AUTS2: variants seen among roughly 807,000 people sequenced by gnomAD.
AUTS2 encodes activator of transcription and developmental regulator AUTS2.
A neutral mutation model predicts 112.4 loss-of-function variants in AUTS2; 17 were observed. That is an observed-to-expected ratio of 0.15 (90% CI 0.10 to 0.23). The LOEUF (loss-of-function observed/expected upper bound fraction) is 0.23, where lower values mean the gene tolerates loss of function less well. Ranked by LOEUF, AUTS2 falls within the 10% of genes least tolerant of loss-of-function variation. The pLI is 1.00. For synonymous variants in AUTS2, 751 were observed against 702.7 expected, an observed-to-expected ratio of 1.07 and a Z score of -1.09; for missense variants, 1,510 against 1,701.6, an observed-to-expected ratio of 0.89 and a Z score of 1.98.
intron 5 of AUTS2, among the ~76,000 whole-genome samples, chr7:70,456,371 C>T (rs766525551): frequency 1.3e-4 from 20 of 152,332 alleles, no homozygotes; most frequent in Middle Eastern, 6.8e-3. Flanking sequence ...TGATACTCAC[C>T]GTAATAACAT....
At chr7:70,666,665 T>C (rs988020061) in intron 5 of AUTS2, among the ~76,000 whole-genome samples, 2 of 152,126 alleles carry the variant, frequency 1.3e-5, no homozygotes, top group South Asian at 2.1e-4. Flanking sequence ...TTTTTTTATA[T>C]ATGTCTGGGT....
intron 2 of AUTS2, among the ~76,000 whole-genome samples, chr7:70,067,846 C>T (rs900617909): frequency 1.3e-5 from 2 of 149,946 alleles, no homozygotes; most frequent in Admixed American, 6.6e-5. Context: ...AGAGTGAGCA[C>T]CTGTCTAAAA....
chr7:70,702,485 C>T (rs1467383000), intron 6 of AUTS2, among the ~76,000 whole-genome samples: 1 of 152,244 alleles, frequency 6.6e-6, no homozygotes, highest in African/African-American at 2.4e-5. Flanking sequence ...CACCCCTTCT[C>T]TTTCCTTCAA....
intron 4 of AUTS2, among the ~76,000 whole-genome samples, chr7:70,184,222 T>C (rs1163833699): frequency 2.6e-5 from 4 of 152,156 alleles, no homozygotes; most frequent in African/African-American, 9.7e-5. Context: ...GTGCCTGACC[T>C]CAAAAAGAAA....
intron 5 of AUTS2, among the ~76,000 whole-genome samples, chr7:70,580,422 C>T (rs1802380205): frequency 6.6e-6 from 1 of 152,070 alleles, no homozygotes; most frequent in South Asian, 2.1e-4. Context: ...GAAGGCAGGT[C>T]AAAAGGGTGG....
chr7:70,022,585 T>C (rs1029823132), intron 2 of AUTS2, among the ~76,000 whole-genome samples: 65 of 152,066 alleles, frequency 4.3e-4, no homozygotes, highest in Non-Finnish European at 1.0e-4. Flanking sequence ...CCTTCCAGAG[T>C]GCAGGGATTA....
intron 2 of AUTS2, among the ~76,000 whole-genome samples, chr7:70,096,198 A>G (rs1299952020): frequency 1.3e-5 from 2 of 152,204 alleles, no homozygotes; most frequent in Non-Finnish European, 2.9e-5. Flanking sequence ...CATTAAAGGG[A>G]TGGATATTTC....
chr7:69,712,043 C>T (rs993178996), intron 1 of AUTS2, among the ~76,000 whole-genome samples: 1 of 152,162 alleles, frequency 6.6e-6, no homozygotes, highest in Non-Finnish European at 1.5e-5. Context: ...CATATTTAGG[C>T]ATCAATTCAG....
chr7:70,340,132 G>A (rs1791189574), intron 4 of AUTS2, among the ~76,000 whole-genome samples: 1 of 150,020 alleles, frequency 6.7e-6, no homozygotes, highest in African/African-American at 2.5e-5. Context: ...TCTCTCCTAT[G>A]ACTTGCCATC....
At chr7:70,084,077 C>CA (rs762392282) in intron 2 of AUTS2, among the ~76,000 whole-genome samples, 233 of 151,496 alleles carry the variant, frequency 1.5e-3, no homozygotes, top group African/African-American at 4.3e-3. Context: ...AACAAACAAA[C>CA]AAAAAAAACA....
At chr7:69,922,231 A>G (rs1795845014) in intron 2 of AUTS2, among the ~76,000 whole-genome samples, 1 of 152,218 alleles carries the variant, frequency 6.6e-6, no homozygotes, top group South Asian at 2.1e-4. Context: ...TAAGCCAGGT[A>G]TGTGGTTACA....
intron 1 of AUTS2, among the ~76,000 whole-genome samples, chr7:69,755,744 AGAATGAATCTAGAGCTT>A (rs1402916616): frequency 6.6e-6 from 1 of 152,166 alleles, no homozygotes; most frequent in East Asian, 1.9e-4. Context: ...ATAGGTCCTG[AGAATGAATCTAGAGCTT>A]TGCCTTTGAC....
intron 4 of AUTS2, among the ~76,000 whole-genome samples, chr7:70,331,426 ATTC>A (rs755458144): frequency 3.6e-4 from 55 of 151,600 alleles, no homozygotes; most frequent in Admixed American, 8.5e-4. Flanking sequence ...TGTCCATTTA[ATTC>A]TTCTCTCTTT....
chr7:69,976,325 C>G (rs1265693864), intron 2 of AUTS2, among the ~76,000 whole-genome samples: 1 of 152,212 alleles, frequency 6.6e-6, no homozygotes, highest in Non-Finnish European at 1.5e-5. Context: ...TAGCATGTGA[C>G]AAGATTCCTT....
chr7:70,073,360 A>G (rs1802877732), intron 2 of AUTS2, among the ~76,000 whole-genome samples: 1 of 151,474 alleles, frequency 6.6e-6, no homozygotes, highest in Non-Finnish European at 1.5e-5. Context: ...AAAATACAGG[A>G]ATTAGCTGGG....
At chr7:70,568,264 T>G (rs896755225) in intron 5 of AUTS2, among the ~76,000 whole-genome samples, 1 of 152,200 alleles carries the variant, frequency 6.6e-6, no homozygotes, top group Admixed American at 6.5e-5. Context: ...TGCCTGAATT[T>G]GAATCCTGAC....
intron 2 of AUTS2, among the ~76,000 whole-genome samples, chr7:70,057,683 G>A (rs1802055681): frequency 1.3e-5 from 2 of 152,166 alleles, no homozygotes; most frequent in Admixed American, 1.3e-4. Context: ...AAGCTCTCCA[G>A]GGTCCCTAGA....
At chr7:70,159,581 C>T (rs945022408) in intron 4 of AUTS2, among the ~76,000 whole-genome samples, 2 of 152,160 alleles carry the variant, frequency 1.3e-5, no homozygotes, top group African/African-American at 4.8e-5. Flanking sequence ...GTTACAAATA[C>T]TGAGCAGCTT....
chr7:70,711,481 G>A (rs1050440166), intron 6 of AUTS2, among the ~76,000 whole-genome samples: 2 of 152,100 alleles, frequency 1.3e-5, no homozygotes, highest in Admixed American at 6.5e-5. Flanking sequence ...ATACCTGCTC[G>A]ACATCCTGGG....
Sources: gnomAD v4.1 joint callset for allele counts (sites outside exome capture counted in the v4.1 genomes callset) on GRCh38, gnomAD v4.1.1 for gene constraint, MANE v1.5 for transcripts, NCBI Gene and HGNC (gene_info 2026-07-23, HGNC 2026-07-21) for gene names.